TMEM19: variants seen among roughly 807,000 people sequenced by gnomAD.
TMEM19 encodes the protein transmembrane protein 19.
TMEM19 carries 21 observed loss-of-function variants against 33.6 expected under a neutral mutation model. The observed-to-expected ratio is 0.62, with a 90% confidence interval of 0.44 to 0.90. TMEM19 has a LOEUF of 0.90. TMEM19 is among the 40% of genes least tolerant of loss of function. TMEM19 has a pLI of 0.00. For missense variants in TMEM19, 402 were observed against 401.8 expected (o/e 1.00, Z 0.00); for synonymous variants, 149 against 147.5 (o/e 1.01, Z -0.07).
In TMEM19 at chr12:71,701,142, C is replaced by A. The variant is rs1881971475; in HGVS notation, c.*147C>A. On this transcript the variant is annotated 3_prime_UTR_variant, in exon 6 of 6. Coordinates refer to ENST00000266673, the MANE Select transcript of TMEM19 (RefSeq NM_018279.4). ...TTGAGATGGGATTTCACATTTTCCT[C>A]TCATCAACTCCCCTGTAATAGCTAG... 3 of 739,764 alleles carry A rather than the reference C, an allele frequency of 4.1e-6. No individual in the cohort carries two copies. The highest frequency in any genetic ancestry group is 2.8e-5 in the East Asian group (1 of 35,150). 45.8% of individuals were successfully genotyped at this position (739,764 alleles called of 1,614,324 possible).
In TMEM19 at chr12:71,700,990, G is replaced by A. The variant is rs1357632118; in HGVS notation, c.1006G>A (p.Gly336Arg). The change falls in exon 6 of 6, where the codon GGG becomes AGG. Residue 336 changes from glycine to arginine, a missense_variant. Physicochemically the swap from Gly to Arg is moderately radical, Grantham distance 125 (BLOSUM62 -2). Transcript: ENST00000266673. ...TGCTGCTTGGGGTTTTTGGCCCAGGGGGTGAACTTTATTTCATTTCCACAG... is the reference window on the plus strand; with the variant it reads ...TGCTGCTTGGGGTTTTTGGCCCAGGAGGTGAACTTTATTTCATTTCCACAG... ...PTAAWGFWPRG is the reference protein window; with the variant it reads ...PTAAWGFWPRR 4 of 1,605,342 alleles carry A rather than the reference G, an allele frequency of 2.5e-6. No homozygotes were observed. Among genetic ancestry groups the A allele is most frequent in the Non-Finnish European group, 3.4e-6 (4 of 1,176,264 alleles).
chr12:71,703,612 A>C lies in TMEM19; in HGVS notation c.*2617A>C, dbSNP rs1882022875. On this transcript the variant is annotated 3_prime_UTR_variant, in exon 6 of 6. Coordinates refer to ENST00000266673, the MANE Select transcript of TMEM19 (RefSeq NM_018279.4). The stretch of plus-strand genomic sequence containing the variant: ...AAACTTAGGTCTAGCTGTGTTTTGC[A>C]TCAAAATTTTTGAGCTATTCAAAAA... The C allele has an allele frequency of 6.4e-6, 1 of 157,308 alleles. No individual in the cohort carries two copies. The highest frequency in any genetic ancestry group is 6.3e-5 in the Admixed American group (1 of 15,840). The allele number at this position is 157,308 out of a possible 1,614,324, so 9.7% of individuals were successfully genotyped here. A position where few individuals can be genotyped will look rare whatever the true frequency, so the allele number is the denominator to read the frequency against.
At chr12:71,693,346 G>A (rs532497879) in intron 2 of TMEM19, among the ~76,000 whole-genome samples, 55 of 152,106 alleles carry the variant, frequency 3.6e-4, no homozygotes, top group Non-Finnish European at 7.6e-4. Flanking sequence ...ACAGGCACGC[G>A]CCGCCACACC....
Position 71,699,137 on chromosome 12 carries a change from T to C in TMEM19, c.847+28T>C. On this transcript the variant is annotated intron_variant, in intron 5 of 5. Transcript: ENST00000266673. ...AAGAACATTCCTTCATTCTTGCAACTTATTGGTATGTTAAAGAAATAGGGA... is the reference window on the plus strand; with the variant it reads ...AAGAACATTCCTTCATTCTTGCAACCTATTGGTATGTTAAAGAAATAGGGA... The C allele has an allele frequency of 1.9e-6, 3 of 1,608,946 alleles. No individual in the cohort carries two copies. In the East Asian group the frequency reaches 6.7e-5, roughly 36 times the overall value.
At chr12:71,693,687 C>T (rs1416830597) in intron 2 of TMEM19, among the ~76,000 whole-genome samples, 1 of 152,202 alleles carries the variant, frequency 6.6e-6, no homozygotes, top group Non-Finnish European at 1.5e-5. Context: ...ACACAAATCT[C>T]ATCTTGAATT....
rs924589907 is a variant in TMEM19, at chr12:71,699,149, T to C, written c.847+40T>C. ...TCATTCTTGCAACTTATTGGTATGT[T>C]AAAGAAATAGGGAAAAGAAAGAAAA... On this transcript the variant is annotated intron_variant, in intron 5 of 5. Transcript: ENST00000266673. 3.1e-6 allele frequency: 5 copies of C among 1,601,396 alleles called. No individual in the cohort carries two copies. The South Asian group carries it at 4.4e-5, about 14-fold the overall frequency.
intron 2 of TMEM19, 42 bp from the exon 3 acceptor site, chr12:71,696,394 A>G (rs1315610214): frequency 2.0e-6 from 3 of 1,468,196 alleles, no homozygotes. Flanking sequence ...GCATTGATGT[A>G]TGAATTGAAT....
intron 4 of TMEM19, among the ~76,000 whole-genome samples, chr12:71,698,223 C>G (rs1384598364): frequency 6.6e-6 from 1 of 152,148 alleles, no homozygotes; most frequent in South Asian, 2.1e-4. Flanking sequence ...TATCCCCCAT[C>G]ATCACCTTCT....
intron 1 of TMEM19, 82 bp downstream of exon 1, chr12:71,686,892 A>C: frequency 5.7e-6 from 8 of 1,394,772 alleles, no homozygotes; most frequent in Non-Finnish European, 7.7e-6. Flanking sequence ...TCCAAAACTC[A>C]TATCCTCTGA....
At chr12:71,692,802 G>A (rs80334347) in intron 2 of TMEM19, among the ~76,000 whole-genome samples, 2,135 of 152,130 alleles carry the variant, frequency 0.014, 55 homozygotes, top group African/African-American at 0.049. Flanking sequence ...ATACATAATA[G>A]ATGATTAGGA....
chr12:71,698,952 T>C lies in TMEM19; in HGVS notation c.690T>C (p.Gly230=), dbSNP rs766125523. 2.8e-5 allele frequency: 46 copies of C among 1,614,098 alleles called. No homozygotes were observed. Among genetic ancestry groups the C allele is most frequent in the Admixed American group, 5.0e-5 (3 of 59,998 alleles). The part of the protein sequence containing the change: ...VVGLVSSLLG[G]TFVGIAYFLT... The stretch of plus-strand genomic sequence containing the variant: ...GCCTTGTCTCCAGTCTCCTTGGTGG[T>C]ACCTTTGTGGGCATTGCATACTTCC... Residue 230 remains glycine (G), a synonymous_variant, in exon 5 of 6, where the codon GGT becomes GGC. Coordinates refer to ENST00000266673, the MANE Select transcript of TMEM19 (RefSeq NM_018279.4).
chr12:71,696,448 G>A lies in TMEM19; in HGVS notation c.257G>A (p.Gly86Glu). ...ATGTTTCTTTCAGGGCTAGTCGTTG[G>A]ATTTATCCTAACCATTGCAAATTTC... ...HSGALGGLVV[G>E]FILTIANFSF... The change falls in exon 3 of 6, where the codon GGA becomes GAA. Residue 86 changes from glycine to glutamate, a missense_variant. By Grantham distance (98) the Gly-to-Glu change is moderately conservative. Coordinates refer to ENST00000266673, the MANE Select transcript of TMEM19 (RefSeq NM_018279.4). 6.2e-7 allele frequency: 1 copy of A among 1,606,276 alleles called. No homozygotes were observed. The highest frequency in any genetic ancestry group is 8.5e-7 in the Non-Finnish European group (1 of 1,176,096).
intron 5 of TMEM19, among the ~76,000 whole-genome samples, chr12:71,700,097 C>T (rs1039626671): frequency 2.6e-5 from 4 of 152,142 alleles, no homozygotes; most frequent in South Asian, 4.1e-4. Flanking sequence ...TCTATGTGCC[C>T]TTCCTCCCCC....
In TMEM19 at chr12:71,702,828, A is replaced by G. The variant is rs1882002370; in HGVS notation, c.*1833A>G. On this transcript the variant is annotated 3_prime_UTR_variant, in exon 6 of 6. Transcript: ENST00000266673. Reference sequence around the variant, plus strand: ...TGGACAATGAGGCCCATGCATGGGTATTTTTACAAAGCTCTCTGGGAGATT... The same window carrying G: ...TGGACAATGAGGCCCATGCATGGGTGTTTTTACAAAGCTCTCTGGGAGATT... 1 of 152,098 alleles carries G rather than the reference A, an allele frequency of 6.6e-6. No individual in the cohort carries two copies. The highest frequency in any genetic ancestry group is 2.1e-4 in the South Asian group (1 of 4,828). 9.4% of individuals were successfully genotyped at this position (152,098 alleles called of 1,614,324 possible). A position where few individuals can be genotyped will look rare whatever the true frequency, so the allele number is the denominator to read the frequency against.
At chr12:71,690,799 C>T (rs1414105611) in intron 2 of TMEM19, among the ~76,000 whole-genome samples, 1 of 151,932 alleles carries the variant, frequency 6.6e-6, no homozygotes, top group Non-Finnish European at 1.5e-5. Context: ...ATAACAAGTG[C>T]AAAAGTCCAG....
rs58258956 is a variant in TMEM19 at position 71,703,881 on chromosome 12, C to CTTT, written c.*2899_*2901dup. 53 of 205,182 alleles carry CTTT rather than the reference C, an allele frequency of 2.6e-4. No homozygotes were observed. Among genetic ancestry groups the CTTT allele is most frequent in the African/African-American group, 8.2e-4 (32 of 38,814 alleles). The allele number at this position is 205,182 out of a possible 1,614,324, so 12.7% of individuals were successfully genotyped here. On this transcript the variant is annotated 3_prime_UTR_variant, in exon 6 of 6. Coordinates refer to ENST00000266673, the MANE Select transcript of TMEM19 (RefSeq NM_018279.4). ...GAGGATAAGAAATTGTGTCTCTGTC[C>CTTT]TTTTTTTTTTTTTTTGTTAAGTCTT...
chr12:71,687,595 A>G (rs1316749798), intron 1 of TMEM19, among the ~76,000 whole-genome samples: 1 of 152,150 alleles, frequency 6.6e-6, no homozygotes, highest in Non-Finnish European at 1.5e-5. Flanking sequence ...TCAGTTTCAC[A>G]TGTTCTGTAA....
At chr12:71,689,238 C>T (rs1430589012) in intron 1 of TMEM19, among the ~76,000 whole-genome samples, 1 of 152,146 alleles carries the variant, frequency 6.6e-6, no homozygotes, top group African/African-American at 2.4e-5. Flanking sequence ...TGTTTAGATA[C>T]ACAAATACGT....
At position 71,693,992 on chromosome 12, in the gene TMEM19, A is replaced by G. The variant is rs1421124507; in HGVS notation, c.245-2444A>G. Among the ~76,000 whole-genome samples the G allele has an allele frequency of 5.3e-5, 8 of 152,208 alleles. No homozygotes were observed. The South Asian group carries it at 6.2e-4, about 12-fold the overall frequency. Reference sequence around the variant, plus strand: ...ACCCAGTTTCAGGTTTGTTTTTATTAGCAGCGTGACAGCAGACTAATACAC... The same window carrying G: ...ACCCAGTTTCAGGTTTGTTTTTATTGGCAGCGTGACAGCAGACTAATACAC... On this transcript the variant is annotated intron_variant, in intron 2 of 5. Coordinates refer to ENST00000266673, the MANE Select transcript of TMEM19 (RefSeq NM_018279.4).
Sources: allele counts gnomAD v4.1 joint callset (sites outside exome capture counted in the v4.1 genomes callset), GRCh38; gene constraint gnomAD v4.1.1; transcripts MANE v1.5; gene names NCBI Gene and HGNC (gene_info 2026-07-23, HGNC 2026-07-21).